COX7A2: variants seen among roughly 807,000 people sequenced by gnomAD.
The protein encoded by COX7A2 is cytochrome c oxidase subunit 7A2, mitochondrial.
Under a neutral mutation model 11.6 loss-of-function variants are expected in COX7A2, and 11 were observed. That is an observed-to-expected ratio of 0.95 (90% CI 0.60 to 1.57). The LOEUF is 1.57. Ranked by LOEUF, COX7A2 falls within the 40% of genes most tolerant of loss-of-function variation. COX7A2 has a pLI of 0.00. For synonymous variants in COX7A2, 30 were observed against 38.2 expected (o/e 0.78, Z 0.79); for missense variants, 106 against 100.9 (o/e 1.05, Z -0.22).
At position 75,242,232 on chromosome 6, in the gene COX7A2, C is replaced by T. The variant is rs567084673; in HGVS notation, c.19-967G>A. 2.2e-4 allele frequency among the ~76,000 whole-genome samples: 33 copies of T among 151,604 alleles called. 1 individual carries two copies. In the South Asian group the frequency reaches 6.3e-3, roughly 29 times the overall value. On this transcript the variant is annotated intron_variant, in intron 1 of 3. Coordinates refer to ENST00000684430, the MANE Select transcript of COX7A2 (RefSeq NM_001366293.2). Reference sequence around the variant, plus strand: ...AAAAAATCTGTTACTTGGCCAGGCGCGGTGGCTCACGCCTGTAATCCCAGT... The same window carrying T: ...AAAAAATCTGTTACTTGGCCAGGCGTGGTGGCTCACGCCTGTAATCCCAGT...
At chr6:75,242,735 G>A (rs1210932459) in intron 1 of COX7A2, among the ~76,000 whole-genome samples, 3 of 151,254 alleles carry the variant, frequency 2.0e-5, no homozygotes, top group Non-Finnish European at 4.4e-5. Flanking sequence ...CAGCAGAATC[G>A]CTTGAACCTG....
intron 1 of COX7A2, 63 bp downstream of exon 1, chr6:75,243,654 G>C (rs1034398542): frequency 1.3e-6 from 2 of 1,513,682 alleles, no homozygotes; most frequent in African/African-American, 2.7e-5. Context: ...TTCTGTCGTG[G>C]TGCCTCAGCC....
intron 1 of COX7A2, among the ~76,000 whole-genome samples, chr6:75,242,990 G>A (rs1048981269): frequency 6.6e-6 from 1 of 152,082 alleles, no homozygotes; most frequent in Non-Finnish European, 1.5e-5. Context: ...ATCTTTTAAA[G>A]AAGAGACATG....
chr6:75,240,508 AG>A, intron 2 of COX7A2, 123 bp from the exon 3 acceptor site: 2 of 625,542 alleles, frequency 3.2e-6, no homozygotes, highest in Non-Finnish European at 5.2e-6. Flanking sequence ...AAGTATTTTA[AG>A]TATTAAAATT....
intron 1 of COX7A2, among the ~76,000 whole-genome samples, chr6:75,243,247 G>C (rs1771575707): frequency 6.6e-6 from 1 of 152,144 alleles, no homozygotes; most frequent in Non-Finnish European, 1.5e-5. Context: ...TATTCCTAAA[G>C]TTCCACCCAA....
At chr6:75,250,168 T>C (rs1302882424) in exon 1 of COX7A2, 1 of 152,248 alleles carries the variant, frequency 6.6e-6, no homozygotes, top group Non-Finnish European at 1.5e-5. Flanking sequence ...GTGGAATGAT[T>C]GCTGCTTGGG....
chr6:75,243,850 C>T (rs770553137), upstream of COX7A2: 1 of 1,609,866 alleles, frequency 6.2e-7, no homozygotes, highest in East Asian at 2.2e-5. Context: ...TAAATCTTTC[C>T]GGGCCGAAGA....
upstream of COX7A2, among the ~76,000 whole-genome samples, chr6:75,245,994 C>G (rs780169134): frequency 6.6e-6 from 1 of 152,156 alleles, no homozygotes; most frequent in Non-Finnish European, 1.5e-5. Context: ...CTTTCCTTTC[C>G]TGGATCCTTA....
intron 1 of COX7A2, among the ~76,000 whole-genome samples, chr6:75,249,398 G>GA (rs1320445333): frequency 3.9e-5 from 6 of 151,924 alleles, no homozygotes; most frequent in Non-Finnish European, 8.8e-5. Flanking sequence ...AGTGAAAAGA[G>GA]AAAAAAAATA....
Position 75,237,932 on chromosome 6 carries a change from A to G in COX7A2, c.250T>C (p.Ter84ArgextTer37), listed in dbSNP as rs892130694. ...AVASFPKKQE[*>R] Reference sequence around the variant, plus strand: ...AGCGATTGCTGGGATGACTGAAGTCACTCCTGCTTCTTGGGAAATGAAGCC... The same window carrying G: ...AGCGATTGCTGGGATGACTGAAGTCGCTCCTGCTTCTTGGGAAATGAAGCC... Residue 84 changes from the stop codon to arginine (R), a stop_lost, in exon 4 of 4, where the codon TGA (stop) becomes CGA (arginine). Transcript: ENST00000684430. The G allele has an allele frequency of 1.2e-6, 2 of 1,605,980 alleles. No individual in the cohort carries two copies. The highest frequency in any genetic ancestry group is 3.3e-5 in the Admixed American group (2 of 59,754).
At chr6:75,242,651 C>T (rs1771546147) in intron 1 of COX7A2, among the ~76,000 whole-genome samples, 1 of 151,910 alleles carries the variant, frequency 6.6e-6, no homozygotes, top group Non-Finnish European at 1.5e-5. Context: ...GAAACCCCGT[C>T]TCTATTAATA....
intron 1 of COX7A2, chr6:75,249,966 A>C (rs1383859551): frequency 2.0e-5 from 3 of 152,152 alleles, no homozygotes; most frequent in Non-Finnish European, 4.4e-5. Context: ...GGGATGAGAG[A>C]CCCAACTAAA....
At chr6:75,239,349 A>C (rs1771419008) in intron 3 of COX7A2, among the ~76,000 whole-genome samples, 1 of 151,550 alleles carries the variant, frequency 6.6e-6, no homozygotes, top group South Asian at 2.1e-4. Flanking sequence ...GCAGGGAAAA[A>C]CCCCCACACA....
intron 3 of COX7A2, among the ~76,000 whole-genome samples, chr6:75,239,609 A>T (rs1360705993): frequency 6.6e-6 from 1 of 152,206 alleles, no homozygotes; most frequent in Non-Finnish European, 1.5e-5. Context: ...TTTGGTCATA[A>T]ATATGTCTGT....
chr6:75,245,702 A>G (rs146160790), upstream of COX7A2, among the ~76,000 whole-genome samples: 6 of 152,112 alleles, frequency 3.9e-5, no homozygotes, highest in African/African-American at 1.4e-4. Flanking sequence ...TCCTCCTCCT[A>G]ATCTTTTTTT....
At chr6:75,245,705 CTTTT>C (rs1771667229), upstream of COX7A2, among the ~76,000 whole-genome samples, 3 of 152,106 alleles carry the variant, frequency 2.0e-5, no homozygotes. Flanking sequence ...TCCTCCTAAT[CTTTT>C]TTTGATCCCA....
At chr6:75,249,230 C>T (rs1291151649) in intron 1 of COX7A2, among the ~76,000 whole-genome samples, 2 of 152,034 alleles carry the variant, frequency 1.3e-5, no homozygotes, top group South Asian at 2.1e-4. Context: ...AGTGAGACTC[C>T]GTCTCAAAAA....
intron 3 of COX7A2, among the ~76,000 whole-genome samples, chr6:75,238,932 A>G (rs1771405945): frequency 6.6e-6 from 1 of 151,616 alleles, no homozygotes; most frequent in Non-Finnish European, 1.5e-5. Flanking sequence ...TTCCTGCCTC[A>G]GCTTCACGAG....
intron 1 of COX7A2, among the ~76,000 whole-genome samples, chr6:75,249,433 C>T (rs187313824): frequency 6.1e-4 from 93 of 152,266 alleles, no homozygotes; most frequent in African/African-American, 2.1e-3. Context: ...ACTTGGAAGT[C>T]AGACAGATCC....
Sources: gnomAD v4.1 joint callset for allele counts (sites outside exome capture counted in the v4.1 genomes callset) on GRCh38, gnomAD v4.1.1 for gene constraint, MANE v1.5 for transcripts, NCBI Gene and HGNC (gene_info 2026-07-23, HGNC 2026-07-21) for gene names.